Variants in DZIP3 observed in about 807,000 individuals in gnomAD.
DZIP3 encodes the protein E3 ubiquitin-protein ligase DZIP3.
A neutral mutation model predicts 162.0 loss-of-function variants in DZIP3; 118 were observed. The ratio of observed to expected loss-of-function variants is 0.73; its 90% confidence interval spans 0.63 to 0.85. The LOEUF is 0.85. Among genes scored for constraint, DZIP3 ranks in the 40% least tolerant of loss-of-function variants. The probability of loss-of-function intolerance (pLI) is 0.00; values close to 1 mark genes in which losing one functional copy is unlikely to be tolerated. For missense variants in DZIP3, 1,331 were observed against 1,407.0 expected (o/e 0.95, Z 0.86); for synonymous variants, 438 against 458.6 (o/e 0.96, Z 0.57).
intron 1 of DZIP3, chr3:108,590,058 T>G (rs1939294859): frequency 6.6e-6 from 1 of 152,242 alleles, no homozygotes. Flanking sequence ...CTGGGCCAGG[T>G]ATTGCTCCGG....
chr3:108,631,039 A>ACTCTCTCTCTCTCTCTCTCTCTCTCT (rs1941816583), intron 8 of DZIP3, among the ~76,000 whole-genome samples: 1 of 94,776 alleles, frequency 1.1e-5, no homozygotes, highest in African/African-American at 4.7e-5. Context: ...ACACACACAC[A>ACTCTCTCTCTCTCTCTCTCTCTCTCT]CACACACACA....
intron 22 of DZIP3, among the ~76,000 whole-genome samples, chr3:108,670,395 G>A (rs1257612267): frequency 6.6e-6 from 1 of 151,846 alleles, no homozygotes; most frequent in Non-Finnish European, 1.5e-5. Context: ...CATATAATAT[G>A]TAGCCTCTTG....
At chr3:108,615,981 G>C (rs1476563337) in intron 4 of DZIP3, among the ~76,000 whole-genome samples, 2 of 152,076 alleles carry the variant, frequency 1.3e-5, no homozygotes, top group African/African-American at 4.8e-5. Context: ...ATGTTTTAAA[G>C]AGGCTGGGCG....
Position 108,592,147 on chromosome 3 carries a change from A to G in DZIP3, c.-73+2308A>G, listed in dbSNP as rs748277297. 5.9e-5 allele frequency among the ~76,000 whole-genome samples: 9 copies of G among 152,280 alleles called. No individual in the cohort carries two copies. The East Asian group carries it at 9.7e-4, about 16-fold the overall frequency. ...GATTACTCTGGTAGCTGAATGAACT[A>G]TGATTTTGGGGAGGATAAGACTGGA... On this transcript the variant is annotated intron_variant, in intron 1 of 32. Transcript: ENST00000361582.
intron 21 of DZIP3, among the ~76,000 whole-genome samples, chr3:108,666,340 C>T (rs1943674493): frequency 6.6e-6 from 1 of 152,056 alleles, no homozygotes; most frequent in African/African-American, 2.4e-5. Flanking sequence ...ATGAAAGGAT[C>T]AATCCACAAG....
chr3:108,615,144 T>C (rs1940934257), intron 4 of DZIP3, among the ~76,000 whole-genome samples: 1 of 152,212 alleles, frequency 6.6e-6, no homozygotes. Flanking sequence ...GAAAAGTAGC[T>C]CCAAAAGTCA....
intron 17 of DZIP3, among the ~76,000 whole-genome samples, chr3:108,650,392 A>G (rs1942812697): frequency 6.6e-6 from 1 of 151,782 alleles, no homozygotes; most frequent in Non-Finnish European, 1.5e-5. Flanking sequence ...AAACACAAAA[A>G]TCTTAGTATA....
chr3:108,629,024 TC>T (rs1168947354), intron 7 of DZIP3, 37 bp from the exon 8 acceptor site: 1 of 1,329,924 alleles, frequency 7.5e-7, no homozygotes, highest in Non-Finnish European at 1.0e-6. Flanking sequence ...ATCTACACAG[TC>T]CCGTTCAAAC....
chr3:108,662,306 G>GT (rs1415843117), intron 21 of DZIP3, 49 bp downstream of exon 21: 1 of 1,540,630 alleles, frequency 6.5e-7, no homozygotes, highest in African/African-American at 1.4e-5. Flanking sequence ...GTAATAAACA[G>GT]TATCTTTAAT....
At chr3:108,622,880 C>CTCTCTG (rs796232998) in intron 5 of DZIP3, among the ~76,000 whole-genome samples, 1,038 of 53,022 alleles carry the variant, frequency 0.02, 28 homozygotes, top group Non-Finnish European at 0.026. Flanking sequence ...CTCTCTCTCT[C>CTCTCTG]TGTGTGTGTG....
chr3:108,620,811 T>G (rs1941294232), intron 5 of DZIP3, among the ~76,000 whole-genome samples: 1 of 152,044 alleles, frequency 6.6e-6, no homozygotes, highest in South Asian at 2.1e-4. Context: ...GATCATTGTT[T>G]TTGTTTTGTT....
At chr3:108,622,144 AT>A (rs1941383578) in intron 5 of DZIP3, among the ~76,000 whole-genome samples, 1 of 152,194 alleles carries the variant, frequency 6.6e-6, no homozygotes, top group Non-Finnish European at 1.5e-5. Context: ...CAAACTTTGC[AT>A]GTTCTCACTC....
At chr3:108,661,406 G>A (rs1256448746) in intron 19 of DZIP3, among the ~76,000 whole-genome samples, 2 of 152,098 alleles carry the variant, frequency 1.3e-5, no homozygotes, top group East Asian at 1.9e-4. Flanking sequence ...AACACCACAT[G>A]TTCTCACTCA....
intron 29 of DZIP3, 29 bp downstream of exon 29, chr3:108,688,125 G>GT (rs769799034): frequency 1.2e-6 from 2 of 1,611,488 alleles, no homozygotes; most frequent in South Asian, 1.1e-5. Context: ...CAAAAAACCT[G>GT]TATCTCTCTG....
At chr3:108,646,593 A>G (rs1942631064) in intron 14 of DZIP3, 24 bp from the exon 15 acceptor site, 1 of 1,554,448 alleles carries the variant, frequency 6.4e-7, no homozygotes, top group Middle Eastern at 1.7e-4. Context: ...TTGTACATCT[A>G]AAATTTTTCT....
At position 108,679,288 on chromosome 3, in the gene DZIP3, A is replaced by G. The variant is rs542897270; in HGVS notation, c.2883+1690A>G. 2.0e-5 allele frequency among the ~76,000 whole-genome samples: 3 copies of G among 152,230 alleles called. No homozygotes were observed. In the South Asian group the frequency reaches 6.2e-4, roughly 32 times the overall value. ...GTATAAGCCTTGGCTGTCTGATACA[A>G]GTGATATTCTTTAGCTGACAAACAT... On this transcript the variant is annotated intron_variant, in intron 26 of 32. Transcript: ENST00000361582.
At chr3:108,682,021 T>C (rs1408120467) in intron 26 of DZIP3, among the ~76,000 whole-genome samples, 2 of 150,374 alleles carry the variant, frequency 1.3e-5, no homozygotes, top group Non-Finnish European at 2.9e-5. Context: ...GGCACATGTA[T>C]ACCTATGAAA....
intron 17 of DZIP3, among the ~76,000 whole-genome samples, chr3:108,649,672 A>G (rs538896065): frequency 9.2e-5 from 14 of 151,958 alleles, no homozygotes; most frequent in African/African-American, 2.9e-4. Flanking sequence ...TATTTGCCCA[A>G]CCACAATCTG....
At chr3:108,602,463 A>G (rs192741415) in intron 1 of DZIP3, among the ~76,000 whole-genome samples, 14 of 152,298 alleles carry the variant, frequency 9.2e-5, no homozygotes, top group African/African-American at 3.4e-4. Context: ...TGTGCTGTAA[A>G]TTGACATTGA....
Sources: gnomAD v4.1 joint callset for allele counts (sites outside exome capture counted in the v4.1 genomes callset) on GRCh38, gnomAD v4.1.1 for gene constraint, MANE v1.5 for transcripts, NCBI Gene and HGNC (gene_info 2026-07-23, HGNC 2026-07-21) for gene names.